Variants in WWOX observed in about 807,000 individuals in gnomAD.
WWOX encodes the protein WW domain containing oxidoreductase, also known as WW domain-containing oxidoreductase.
A neutral mutation model predicts 46.2 loss-of-function variants in WWOX; 69 were observed. That is an observed-to-expected ratio of 1.49 (90% CI 1.23 to 1.82). WWOX has a LOEUF of 1.82. WWOX is among the 40% of genes most tolerant of loss of function. The probability of loss-of-function intolerance (pLI) is 0.00; values close to 1 mark genes in which losing one functional copy is unlikely to be tolerated. For synonymous variants in WWOX, 359 were observed against 202.6 expected, an observed-to-expected ratio of 1.77 and a Z score of -6.56; for missense variants, 919 against 542.6, an observed-to-expected ratio of 1.69 and a Z score of -6.89.
intron 8 of WWOX, among the ~76,000 whole-genome samples, chr16:78,798,862 A>G (rs1437312612): frequency 6.6e-6 from 1 of 152,162 alleles, no homozygotes; most frequent in East Asian, 1.9e-4. Context: ...AGGACTGAAT[A>G]CAGATTAGGC....
At chr16:78,145,098 G>C (rs2034153203) in intron 4 of WWOX, among the ~76,000 whole-genome samples, 1 of 152,198 alleles carries the variant, frequency 6.6e-6, no homozygotes, top group Non-Finnish European at 1.5e-5. Flanking sequence ...CTGTAGGCCA[G>C]AAGGTTGAAG....
chr16:78,309,288 C>A (rs1435871823), intron 5 of WWOX, among the ~76,000 whole-genome samples: 1 of 152,200 alleles, frequency 6.6e-6, no homozygotes, highest in South Asian at 2.1e-4. Flanking sequence ...CATTCTGCTT[C>A]CTGCCGCTTT....
At chr16:78,459,087 A>T (rs2083891867) in intron 8 of WWOX, among the ~76,000 whole-genome samples, 1 of 152,186 alleles carries the variant, frequency 6.6e-6, no homozygotes, top group South Asian at 2.1e-4. Flanking sequence ...CTTTGGAAGG[A>T]CTGATCCGCA....
At chr16:78,495,715 G>A (rs1016271651) in intron 8 of WWOX, among the ~76,000 whole-genome samples, 1 of 151,850 alleles carries the variant, frequency 6.6e-6, no homozygotes, top group Non-Finnish European at 1.5e-5. Flanking sequence ...CACCATGTTG[G>A]CCAGGGTGGT....
At position 78,871,201 on chromosome 16, in the gene WWOX, CAG is replaced by C. The variant is rs566714411; in HGVS notation, c.1057-340406_1057-340405del. Among the ~76,000 whole-genome samples the C allele has an allele frequency of 5.0e-3, 737 of 147,656 alleles. 12 individuals are homozygous for C. Among genetic ancestry groups the C allele is most frequent in the African/African-American group, 0.017 (693 of 39,904 alleles). On this transcript the variant is annotated intron_variant, in intron 8 of 8. Transcript: ENST00000566780. ...TTTTTTTTTTTTTTAATGAGGCAAT[CAG>C]GGGTAAAAACCCCCGCTGCTGTCCT... is the stretch of plus-strand genomic sequence containing the variant.
At chr16:79,191,685 A>G (rs2051139799) in intron 8 of WWOX, among the ~76,000 whole-genome samples, 1 of 152,220 alleles carries the variant, frequency 6.6e-6, no homozygotes, top group African/African-American at 2.4e-5. Context: ...CAAATAGGCC[A>G]TGATAAAGAA....
At chr16:78,338,697 A>G (rs1025689348) in intron 5 of WWOX, among the ~76,000 whole-genome samples, 3 of 121,656 alleles carry the variant, frequency 2.5e-5, no homozygotes, top group Admixed American at 8.0e-5. Flanking sequence ...CTCTGTCGTA[A>G]TTTAAGCCTA....
chr16:79,166,210 A>G (rs76270805), intron 8 of WWOX, among the ~76,000 whole-genome samples: 2,445 of 152,202 alleles, frequency 0.016, 71 homozygotes, highest in African/African-American at 0.054. Context: ...GACTTCAATC[A>G]CTTCTGGAGG....
intron 8 of WWOX, among the ~76,000 whole-genome samples, chr16:78,626,875 T>G (rs2046323003): frequency 6.6e-6 from 1 of 152,246 alleles, no homozygotes; most frequent in African/African-American, 2.4e-5. Context: ...ACTACTTTAT[T>G]TATTTTGTTG....
At chr16:78,456,621 T>C (rs532048373) in intron 8 of WWOX, among the ~76,000 whole-genome samples, 3 of 152,212 alleles carry the variant, frequency 2.0e-5, no homozygotes, top group South Asian at 4.1e-4. Context: ...TATAAAAAAA[T>C]TTAAAAATTC....
chr16:78,615,947 T>G (rs180999902), intron 8 of WWOX, among the ~76,000 whole-genome samples: 1 of 152,110 alleles, frequency 6.6e-6, no homozygotes, highest in Non-Finnish European at 1.5e-5. Flanking sequence ...AGACAGGGTT[T>G]CACTGTGTTA....
At chr16:78,888,649 G>T (rs1014807898) in intron 8 of WWOX, among the ~76,000 whole-genome samples, 1 of 152,066 alleles carries the variant, frequency 6.6e-6, no homozygotes, top group Non-Finnish European at 1.5e-5. Flanking sequence ...TTATTTTTAT[G>T]TTGCCACTAG....
chr16:79,146,878 TTC>T (rs2050191701), intron 8 of WWOX, among the ~76,000 whole-genome samples: 1 of 152,204 alleles, frequency 6.6e-6, no homozygotes, highest in Non-Finnish European at 1.5e-5. Flanking sequence ...TCGCTTGTAC[TTC>T]TACATGTGTC....
chr16:78,126,972 A>G (rs2033388484), intron 4 of WWOX, among the ~76,000 whole-genome samples: 1 of 152,152 alleles, frequency 6.6e-6, no homozygotes, highest in Non-Finnish European at 1.5e-5. Context: ...TCAGGTGGAG[A>G]AATTGTACCA....
At chr16:78,427,557 C>T (rs73572828) in intron 7 of WWOX, among the ~76,000 whole-genome samples, 33 of 152,088 alleles carry the variant, frequency 2.2e-4, no homozygotes, top group East Asian at 1.5e-3. Flanking sequence ...CACACACACA[C>T]GGAGTTTCTC....
At chr16:78,532,664 T>C (rs968327545) in intron 8 of WWOX, among the ~76,000 whole-genome samples, 6 of 152,080 alleles carry the variant, frequency 3.9e-5, no homozygotes, top group African/African-American at 9.7e-5. Context: ...GGCGACACAG[T>C]GATGGCAGAA....
In WWOX at chr16:78,614,953, C is replaced by T. The variant is rs559227526; in HGVS notation, c.1056+182201C>T. Among the ~76,000 whole-genome samples the T allele has an allele frequency of 7.2e-5, 11 of 152,232 alleles. No individual in the cohort carries two copies. In the South Asian group the frequency reaches 2.1e-3, roughly 29 times the overall value. On this transcript the variant is annotated intron_variant, in intron 8 of 8. Coordinates refer to ENST00000566780, the MANE Select transcript of WWOX (RefSeq NM_016373.4). The stretch of plus-strand genomic sequence containing the variant: ...AGCTCTTTGTGATGCTTGCTTTAAT[C>T]AGTTGATACATGTTTAATCACGTTT...
intron 8 of WWOX, among the ~76,000 whole-genome samples, chr16:79,051,889 A>G (rs969906397): frequency 6.6e-6 from 1 of 152,224 alleles, no homozygotes; most frequent in East Asian, 1.9e-4. Context: ...TTGCCCTGGC[A>G]TGCTTATACT....
At chr16:79,080,888 C>T (rs1489354947) in intron 8 of WWOX, among the ~76,000 whole-genome samples, 7 of 152,294 alleles carry the variant, frequency 4.6e-5, no homozygotes, top group Middle Eastern at 3.4e-3. Flanking sequence ...GGTATCCCAA[C>T]AGATGCATCA....
Sources: allele counts gnomAD v4.1 joint callset (sites outside exome capture counted in the v4.1 genomes callset), GRCh38; gene constraint gnomAD v4.1.1; transcripts MANE v1.5; gene names NCBI Gene and HGNC (gene_info 2026-07-23, HGNC 2026-07-21).